Variants in PTPRK observed in about 807,000 individuals in gnomAD.
PTPRK encodes the protein receptor-type tyrosine-protein phosphatase kappa.
In PTPRK, 75 loss-of-function variants were observed where a neutral mutation model predicts 178.0. The ratio of observed to expected loss-of-function variants is 0.42; its 90% CI spans 0.35 to 0.51. The LOEUF (loss-of-function observed/expected upper bound fraction) is 0.51, where lower values mean the gene tolerates loss of function less well. Ranked by LOEUF, PTPRK falls within the 20% of genes least tolerant of loss-of-function variation. The pLI, the probability that PTPRK is intolerant of heterozygous loss-of-function variation, is 0.02. For missense variants in PTPRK, 1,441 were observed against 1,797.8 expected (o/e 0.80, Z 3.59); for synonymous variants, 637 against 620.6 (o/e 1.03, Z -0.39).
intron 13 of PTPRK, among the ~76,000 whole-genome samples, chr6:128,063,893 T>C (rs565397344): frequency 2.0e-5 from 3 of 152,210 alleles, no homozygotes; most frequent in African/African-American, 4.8e-5. Flanking sequence ...ACAAACAGAA[T>C]ATGGCCATTG....
At chr6:128,038,319 T>C (rs1327839564) in intron 13 of PTPRK, among the ~76,000 whole-genome samples, 4 of 152,196 alleles carry the variant, frequency 2.6e-5, no homozygotes, top group African/African-American at 9.6e-5. Flanking sequence ...ATAGCAACTT[T>C]AAGTTAACAT....
At chr6:128,059,373 C>T (rs1394172389) in intron 13 of PTPRK, among the ~76,000 whole-genome samples, 5 of 152,040 alleles carry the variant, frequency 3.3e-5, no homozygotes, top group African/African-American at 1.2e-4. Flanking sequence ...AGATATATTC[C>T]TACACTAATT....
At chr6:128,241,343 TG>T (rs1814405235) in intron 4 of PTPRK, 2 of 531,206 alleles carry the variant, frequency 3.8e-6, no homozygotes, top group Non-Finnish European at 7.7e-6. Context: ...AAATGCAAAT[TG>T]TCAGGCCCCA....
intron 6 of PTPRK, among the ~76,000 whole-genome samples, chr6:128,198,519 T>C (rs753612405): frequency 7.9e-5 from 12 of 152,146 alleles, no homozygotes; most frequent in Admixed American, 3.9e-4. Flanking sequence ...AATTACCTAA[T>C]GTAGGTGATG....
At chr6:128,372,679 T>C (rs1477489789) in intron 2 of PTPRK, among the ~76,000 whole-genome samples, 1 of 152,134 alleles carries the variant, frequency 6.6e-6, no homozygotes, top group Admixed American at 6.5e-5. Flanking sequence ...TTGATTTTCA[T>C]TATGTTGTAT....
chr6:128,515,699 C>T (rs1857896307), intron 1 of PTPRK, among the ~76,000 whole-genome samples: 1 of 150,942 alleles, frequency 6.6e-6, no homozygotes, highest in Non-Finnish European at 1.5e-5. Flanking sequence ...CACACACATA[C>T]ACGTGCACAC....
intron 3 of PTPRK, among the ~76,000 whole-genome samples, chr6:128,301,919 T>C (rs1303230397): frequency 1.3e-5 from 2 of 152,240 alleles, no homozygotes; most frequent in Non-Finnish European, 1.5e-5. Flanking sequence ...AAATGATTTA[T>C]ATTGTCTTGC....
At chr6:128,482,993 A>C (rs1316623798) in intron 1 of PTPRK, among the ~76,000 whole-genome samples, 1 of 152,202 alleles carries the variant, frequency 6.6e-6, no homozygotes, top group Non-Finnish European at 1.5e-5. Flanking sequence ...ACTAAGGCTA[A>C]CTTCCTTAGC....
chr6:128,508,200 C>T (rs1856641036), intron 1 of PTPRK, among the ~76,000 whole-genome samples: 1 of 152,104 alleles, frequency 6.6e-6, no homozygotes, highest in South Asian at 2.1e-4. Context: ...GCAAATATTA[C>T]CATGCCTTAA....
intron 7 of PTPRK, among the ~76,000 whole-genome samples, chr6:128,172,972 G>A (rs983309769): frequency 4.6e-5 from 7 of 151,878 alleles, no homozygotes; most frequent in Non-Finnish European, 1.0e-4. Flanking sequence ...TACAGCATAT[G>A]AGCACCAGGA....
chr6:128,516,395 G>GA lies in PTPRK; in HGVS notation c.100+3863dup, dbSNP rs143576432. Among the ~76,000 whole-genome samples the GA allele has an allele frequency of 8.7e-3, 1,296 of 148,350 alleles. 22 individuals are homozygous for GA. Among genetic ancestry groups the GA allele is most frequent in the African/African-American group, 0.031 (1,245 of 40,454 alleles). ...GTCAGATGCAAGAGAACTAGAGAGA[G>GA]AAAAAAAAACAGTCCTGGAAATGTC... On this transcript the variant is annotated intron_variant, in intron 1 of 29. Transcript: ENST00000368226.
intron 2 of PTPRK, among the ~76,000 whole-genome samples, chr6:128,349,495 T>C (rs1468111110): frequency 2.6e-5 from 4 of 152,028 alleles, no homozygotes; most frequent in African/African-American, 4.8e-5. Flanking sequence ...ACAAATGAAA[T>C]GTGAGGTGAG....
At chr6:128,367,024 GC>G (rs1334831751) in intron 2 of PTPRK, among the ~76,000 whole-genome samples, 1 of 152,080 alleles carries the variant, frequency 6.6e-6, no homozygotes, top group African/African-American at 2.4e-5. Flanking sequence ...AGCAGCCCCA[GC>G]ACTGCAGGGA....
intron 6 of PTPRK, among the ~76,000 whole-genome samples, chr6:128,184,973 C>G (rs1802522817): frequency 6.6e-6 from 1 of 152,006 alleles, no homozygotes; most frequent in African/African-American, 2.4e-5. Context: ...AGGAGATCAA[C>G]TTGTAAAGTC....
At chr6:127,986,134 T>C (rs1775949723) in intron 21 of PTPRK, among the ~76,000 whole-genome samples, 1 of 152,188 alleles carries the variant, frequency 6.6e-6, no homozygotes, top group Non-Finnish European at 1.5e-5. Flanking sequence ...GTAAATTTTA[T>C]TTACTTTGAC....
chr6:128,151,477 A>G (rs1263020897), intron 7 of PTPRK, among the ~76,000 whole-genome samples: 3 of 152,068 alleles, frequency 2.0e-5, no homozygotes, highest in Non-Finnish European at 1.5e-5. Context: ...GATCCCATAC[A>G]TAGTTAAACA....
intron 13 of PTPRK, among the ~76,000 whole-genome samples, chr6:128,030,749 T>C (rs1303903148): frequency 6.6e-6 from 1 of 152,188 alleles, no homozygotes; most frequent in Non-Finnish European, 1.5e-5. Context: ...ACATCAGGCT[T>C]GCTTTTTTTC....
chr6:128,363,408 T>A (rs1835042366), intron 2 of PTPRK, among the ~76,000 whole-genome samples: 1 of 152,122 alleles, frequency 6.6e-6, no homozygotes, highest in Non-Finnish European at 1.5e-5. Context: ...GCTATGCACA[T>A]AACATAAATA....
intron 7 of PTPRK, among the ~76,000 whole-genome samples, chr6:128,177,544 A>G (rs1801257699): frequency 6.6e-6 from 1 of 151,820 alleles, no homozygotes; most frequent in African/African-American, 2.4e-5. Context: ...AATGTCTTTC[A>G]CCAACTAGTC....
Sources: allele counts gnomAD v4.1 joint callset (sites outside exome capture counted in the v4.1 genomes callset), GRCh38; gene constraint gnomAD v4.1.1; transcripts MANE v1.5; gene names NCBI Gene and HGNC (gene_info 2026-07-23, HGNC 2026-07-21).